The following PTCH1 variants were observed in gnomAD, a reference collection of about 807,000 sequenced individuals.
PTCH1 encodes the protein protein patched homolog 1.
Under a neutral mutation model 144.6 loss-of-function variants are expected in PTCH1, and 14 were observed. The ratio of observed to expected loss-of-function variants is 0.10; its 90% confidence interval spans 0.06 to 0.15. The LOEUF (loss-of-function observed/expected upper bound fraction) is 0.15, where lower values mean the gene tolerates loss of function less well. Among genes scored for constraint, PTCH1 ranks in the 10% least tolerant of loss-of-function variants. PTCH1 has a pLI of 1.00. For missense variants in PTCH1, 1,623 were observed against 1,948.3 expected (o/e 0.83, Z 3.14); for synonymous variants, 833 against 793.6 (o/e 1.05, Z -0.83).
intron 1 of PTCH1, 81 bp from the exon 2 acceptor site, chr9:95,506,680 G>GCTTGCGC: frequency 1.9e-5 from 25 of 1,350,646 alleles, no homozygotes; most frequent in Non-Finnish European, 2.0e-5. Flanking sequence ...GCACCCGCCC[G>GCTTGCGC]GTGAGCCCCC....
chr9:95,508,768 G>A lies in PTCH1; in HGVS notation c.-407C>T. The A allele has an allele frequency of 1.0e-6, 1 of 983,454 alleles. No homozygotes were observed. The highest frequency in any genetic ancestry group is 1.2e-6 in the Non-Finnish European group (1 of 828,980). 60.9% of individuals were successfully genotyped at this position (983,454 alleles called of 1,614,324 possible). A position where few individuals can be genotyped will look rare whatever the true frequency, so the allele number is the denominator to read the frequency against. ...CTACCCGCCCCCCGCCCCGCGCCGC[G>A]ACCCCTTCACTGCAGAAAGAGCCAG... On this transcript the variant is annotated 5_prime_UTR_variant, in exon 1 of 24. Transcript: ENST00000331920.
Position 95,508,145 on chromosome 9 carries a change from A to T in PTCH1, c.201+16T>A, listed in dbSNP as rs766739273. The T allele has an allele frequency of 2.5e-6, 4 of 1,612,236 alleles. No individual in the cohort carries two copies. The East Asian group carries it at 6.7e-5, about 27-fold the overall frequency. On this transcript the variant is annotated intron_variant, in intron 1 of 23. Transcript: ENST00000331920. ...AGGAGGGAAGAGAAAGTGGGAGGAG[A>T]GAGTCTGAAATGCACCTTGGAAATC...
chr9:95,507,233 A>G (rs1030990101), intron 1 of PTCH1: 211 of 985,426 alleles, frequency 2.1e-4, no homozygotes, highest in Non-Finnish European at 2.4e-4. Context: ...ACTTACGACA[A>G]TATTTGTGAT....
At chr9:95,469,369 C>CTGATCTG (rs1840352354) in intron 13 of PTCH1, among the ~76,000 whole-genome samples, 1 of 152,148 alleles carries the variant, frequency 6.6e-6, no homozygotes. Flanking sequence ...CTGAGGAGGC[C>CTGATCTG]ACATGGAGGA....
intron 3 of PTCH1, chr9:95,482,709 G>T: frequency 5.4e-6 from 1 of 186,528 alleles, no homozygotes; most frequent in Non-Finnish European, 1.1e-5. Context: ...GTGCCAGGTG[G>T]GTCAAATTCT....
intron 3 of PTCH1, among the ~76,000 whole-genome samples, chr9:95,485,308 A>T (rs1255785109): frequency 6.6e-6 from 1 of 152,200 alleles, no homozygotes; most frequent in Non-Finnish European, 1.5e-5. Context: ...CACAAGAAGC[A>T]GCTCTTCTTT....
chr9:95,506,764 G>A, intron 1 of PTCH1, 165 bp from the exon 2 acceptor site: 6 of 1,054,736 alleles, frequency 5.7e-6, no homozygotes, highest in Non-Finnish European at 6.1e-6. Context: ...GGATCTGAGC[G>A]TCATGGGGGG....
chr9:95,479,099 C>T lies in PTCH1; in HGVS notation c.1116G>A (p.Met372Ile). The change falls in exon 8 of 24, where the codon ATG (methionine) becomes ATA (isoleucine). Residue 372 changes from methionine to isoleucine, a missense_variant. Transcript: ENST00000331920. ...TMFQLMTPKQ[M>I]YEHFKGYEYV... is the part of the protein sequence containing the mutation. ...ACTCGTACCCCTTGAAGTGCTCGTA[C>T]ATTTGCTTGGGAGTCATTAACTGGA... The T allele has an allele frequency of 6.2e-7, 1 of 1,614,114 alleles. No homozygotes were observed. Among genetic ancestry groups the T allele is most frequent in the South Asian group, 1.1e-5 (1 of 91,082 alleles).
At chr9:95,511,525 C>T (rs188416146), upstream of PTCH1, among the ~76,000 whole-genome samples, 20 of 152,282 alleles carry the variant, frequency 1.3e-4, no homozygotes, top group African/African-American at 4.3e-4. Context: ...AGCACCGGGC[C>T]AGCGCGGAAA....
At chr9:95,484,428 G>T (rs1190368068) in intron 3 of PTCH1, 3 of 152,208 alleles carry the variant, frequency 2.0e-5, no homozygotes, top group Non-Finnish European at 4.4e-5. Context: ...ATGTGCCAAA[G>T]ACATGTGACT....
chr9:95,456,307 A>T lies in PTCH1; in HGVS notation c.3275T>A (p.Ile1092Lys), dbSNP rs1588535471. 1 of 1,614,050 alleles carries T rather than the reference A, an allele frequency of 6.2e-7. No homozygotes were observed. Among genetic ancestry groups the T allele is most frequent in the Non-Finnish European group, 8.5e-7 (1 of 1,180,026 alleles). ...PVVILIASVG[I>K]GVEFTVHVAL... ...AACGTGAACGGTGAACTCCACTCCT[A>T]TGCCAACAGAAGCGATCAGGATGAC... is the stretch of plus-strand genomic sequence containing the variant. Residue 1092 changes from isoleucine to lysine, a missense_variant, in exon 19 of 24, where the codon ATA (isoleucine) becomes AAA (lysine). Around this residue, in one of 7 missense-constraint regions of PTCH1, gnomAD observed 504 missense variants for 679.3 expected, o/e 0.74. Coordinates refer to ENST00000331920, the MANE Select transcript of PTCH1 (RefSeq NM_000264.5).
At chr9:95,511,838 TG>T (rs372996721), upstream of PTCH1, among the ~76,000 whole-genome samples, 21 of 152,284 alleles carry the variant, frequency 1.4e-4, no homozygotes, top group African/African-American at 4.6e-4. Flanking sequence ...TTTTAAAAAC[TG>T]GGGGAGGGGG....
At chr9:95,467,476 T>A (rs144738669) in intron 14 of PTCH1, 51 bp from the exon 15 acceptor site, 14 of 1,573,348 alleles carry the variant, frequency 8.9e-6, no homozygotes, top group Non-Finnish European at 1.1e-5. Context: ...CACTGACTCT[T>A]CCTGGACAAA....
chr9:95,451,516 T>G (rs1170490762), intron 20 of PTCH1: 2 of 152,142 alleles, frequency 1.3e-5, no homozygotes, highest in Non-Finnish European at 2.9e-5. Context: ...GGGCTCTAAT[T>G]CAGGCTAAGT....
intron 1 of PTCH1, chr9:95,507,831 G>C (rs956874274): frequency 1.1e-6 from 1 of 891,330 alleles, no homozygotes; most frequent in Non-Finnish European, 1.5e-6. Flanking sequence ...CAGTGCCGCG[G>C]CCGCCCTTGA....
At chr9:95,478,308 G>C in intron 8 of PTCH1, 122 bp from the exon 9 acceptor site, 2 of 1,445,044 alleles carry the variant, frequency 1.4e-6, no homozygotes, top group East Asian at 2.3e-5. Flanking sequence ...TTTTAAAAAA[G>C]TTCTACGTGA....
chr9:95,450,362 G>A (rs1838354563), intron 20 of PTCH1: 2 of 298,410 alleles, frequency 6.7e-6, no homozygotes, highest in South Asian at 6.3e-5. Context: ...ATGAAGTGAA[G>A]GGTGTAGAAT....
intron 12 of PTCH1, 143 bp downstream of exon 12, chr9:95,475,891 C>A: frequency 7.6e-7 from 1 of 1,309,624 alleles, no homozygotes; most frequent in African/African-American, 1.5e-5. Context: ...CAGCATCCAC[C>A]CAGTTAAACA....
At chr9:95,509,667 T>G (rs1186507382), upstream of PTCH1, among the ~76,000 whole-genome samples, 1 of 152,226 alleles carries the variant, frequency 6.6e-6, no homozygotes. Flanking sequence ...ATGTAATATT[T>G]TTTTAAGCGC....
Sources: gnomAD v4.1 joint callset for allele counts (sites outside exome capture counted in the v4.1 genomes callset) on GRCh38, gnomAD v4.1.1 for gene constraint, gnomAD v4.1.1 regional missense constraint, MANE v1.5 for transcripts, NCBI Gene and HGNC (gene_info 2026-07-23, HGNC 2026-07-21) for gene names.